The following ATP11A variants were observed in gnomAD, a reference collection of about 807,000 sequenced individuals.
The protein encoded by ATP11A is phospholipid-transporting ATPase IH.
A neutral mutation model predicts 154.4 loss-of-function variants in ATP11A; 81 were observed. The observed-to-expected ratio is 0.52, with a 90% CI of 0.44 to 0.63. ATP11A has a LOEUF of 0.63. Among genes scored for constraint, ATP11A ranks in the 30% least tolerant of loss-of-function variants. ATP11A has a pLI of 0.00. For synonymous variants in ATP11A, 623 were observed against 585.9 expected (o/e 1.06, Z -0.91); for missense variants, 1,316 against 1,474.3 (o/e 0.89, Z 1.76).
intron 3 of ATP11A, among the ~76,000 whole-genome samples, chr13:112,805,565 A>T (rs1454641275): frequency 6.6e-6 from 1 of 152,052 alleles, no homozygotes; most frequent in Non-Finnish European, 1.5e-5. Flanking sequence ...AGTCCCAGCT[A>T]CGCGGGAGGC....
intron 1 of ATP11A, among the ~76,000 whole-genome samples, chr13:112,734,553 G>C (rs111255598): frequency 1.3e-5 from 2 of 152,242 alleles, no homozygotes; most frequent in African/African-American, 4.8e-5. Flanking sequence ...GCTGCCCGGA[G>C]AGTCAAACCC....
intron 1 of ATP11A, among the ~76,000 whole-genome samples, chr13:112,737,632 G>A (rs1194340783): frequency 6.6e-6 from 1 of 152,206 alleles, no homozygotes. Context: ...GGTCACCGAG[G>A]GCCTCGTCTG....
At chr13:112,811,161 A>AACACACACACAC (rs10695491) in intron 5 of ATP11A, among the ~76,000 whole-genome samples, 7,212 of 115,462 alleles carry the variant, frequency 0.062, 440 homozygotes, top group African/African-American at 0.092. Flanking sequence ...TGCCCCTTCC[A>AACACACACACAC]ACACACACAC....
At chr13:112,747,767 C>A (rs1033975177) in intron 1 of ATP11A, among the ~76,000 whole-genome samples, 2 of 151,750 alleles carry the variant, frequency 1.3e-5, no homozygotes, top group Admixed American at 6.6e-5. Flanking sequence ...ACCTGGGAGG[C>A]GGTGGTTGCA....
chr13:112,760,484 A>T (rs426765), intron 1 of ATP11A, among the ~76,000 whole-genome samples: 30,273 of 152,146 alleles, frequency 0.2, 3,455 homozygotes, highest in African/African-American at 0.31. Context: ...TCAAATGATA[A>T]CAACATGATT....
chr13:112,831,797 C>T (rs2079093117), intron 13 of ATP11A, among the ~76,000 whole-genome samples: 1 of 152,230 alleles, frequency 6.6e-6, no homozygotes, highest in East Asian at 1.9e-4. Context: ...CACCCAGACA[C>T]CATGTGCACA....
chr13:112,841,879 A>G (rs202231452), intron 16 of ATP11A, among the ~76,000 whole-genome samples: 3 of 152,258 alleles, frequency 2.0e-5, no homozygotes, highest in Non-Finnish European at 4.4e-5. Context: ...CTTGCTCTGC[A>G]TGAGGACAGA....
At chr13:112,879,082 C>T (rs1379012629) in intron 29 of ATP11A, among the ~76,000 whole-genome samples, 6 of 152,232 alleles carry the variant, frequency 3.9e-5, no homozygotes, top group South Asian at 2.1e-4. Context: ...GCCTGCACGC[C>T]GTCCTGAAGT....
chr13:112,820,733 T>C (rs2078776949), intron 8 of ATP11A, among the ~76,000 whole-genome samples: 2 of 152,252 alleles, frequency 1.3e-5, no homozygotes, highest in South Asian at 4.1e-4. Context: ...TTCACTGGAT[T>C]TTAAAGTTGC....
In ATP11A at chr13:112,831,536, C is replaced by G; in HGVS notation, c.1383C>G (p.Ser461Arg). 6.2e-7 allele frequency: 1 copy of G among 1,613,996 alleles called. No individual in the cohort carries two copies. The highest frequency in any genetic ancestry group is 8.5e-7 in the Non-Finnish European group (1 of 1,179,910). Residue 461 changes from serine (S) to arginine (R), a missense_variant, in exon 13 of 30, where the codon AGC (serine) becomes AGG (arginine). Around this residue, in one of 5 missense-constraint regions of ATP11A, gnomAD observed 876 missense variants for 1,006.8 expected, o/e 0.87. Transcript: ENST00000375645. ...SGIDMIDSSP[S>R]VNGREREELF... ...TCGACATGATTGACTCGTCCCCCAG[C>G]GTCAACGGGAGGGTAGGTGGCAGCC...
chr13:112,871,786 A>G lies in ATP11A; in HGVS notation c.3043A>G (p.Thr1015Ala). The G allele has an allele frequency of 6.2e-7, 1 of 1,614,192 alleles. No homozygotes were observed. ...GCTGGTATTCACCGTGATGGTGTTCACAGTTACACTAAAGGTAAGTGGTCT... is the reference window on the plus strand; with the variant it reads ...GCTGGTATTCACCGTGATGGTGTTCGCAGTTACACTAAAGGTAAGTGGTCT... ...GTLVFTVMVF[T>A]VTLKLALDTH... The change falls in exon 26 of 30, where the codon ACA (threonine) becomes GCA (alanine). Residue 1015 changes from threonine to alanine, a missense_variant. Thr to Ala is a moderately conservative substitution (Grantham distance 58). Transcript: ENST00000375645.
At chr13:112,851,968 T>C (rs2079779915) in intron 18 of ATP11A, 1 of 152,186 alleles carries the variant, frequency 6.6e-6, no homozygotes, top group African/African-American at 2.4e-5. Flanking sequence ...AGTAGAAAAT[T>C]ACAAAAACTA....
rs2076745392 is a variant in ATP11A at position 112,753,462 on chromosome 13, CG to C, written c.40-31671del. Among the ~76,000 whole-genome samples, 1 of 152,182 alleles carries C rather than the reference CG, an allele frequency of 6.6e-6. No homozygotes were observed. Among genetic ancestry groups the C allele is most frequent in the African/African-American group, 2.4e-5 (1 of 41,436 alleles). On this transcript the variant is annotated intron_variant, in intron 1 of 29. Transcript: ENST00000375645. The surrounding 1 kb of genome is among the most constrained non-coding windows in gnomAD (Gnocchi z 4.1). ...TACCTCGCCAGCAGCCTGCGCTGCC[CG>C]GCTTGCCAGCTTCTGGGCCTGCCTA...
intron 2 of ATP11A, among the ~76,000 whole-genome samples, chr13:112,800,684 A>C (rs1479765535): frequency 1.3e-5 from 2 of 152,194 alleles, no homozygotes; most frequent in Non-Finnish European, 2.9e-5. Flanking sequence ...AACCAGAAAA[A>C]GATATTACCA....
rs143411543 is a variant in ATP11A, at chr13:112,792,293, A to C, written c.162+7036A>C. On this transcript the variant is annotated intron_variant, in intron 2 of 29. Coordinates refer to ENST00000375645, the MANE Select transcript of ATP11A (RefSeq NM_015205.3). Reference sequence around the variant, plus strand: ...TTCTCGAGCCTGGAATTGATGACTCATAATTGTTTTCATTTAACAGCTCAG... The same window carrying C: ...TTCTCGAGCCTGGAATTGATGACTCCTAATTGTTTTCATTTAACAGCTCAG... Among the ~76,000 whole-genome samples the C allele has an allele frequency of 4.2e-3, 645 of 152,306 alleles. 7 individuals are homozygous for C. The highest frequency in any genetic ancestry group is 0.015 in the African/African-American group (615 of 41,558).
At chr13:112,873,326 G>A in intron 26 of ATP11A, 2 of 467,262 alleles carry the variant, frequency 4.3e-6, no homozygotes, top group Non-Finnish European at 7.6e-6. Context: ...GTGTGGCTTT[G>A]TCTTCCTGAG....
At chr13:112,804,915 A>C (rs760737370) in intron 2 of ATP11A, 42 bp from the exon 3 acceptor site, 1 of 1,329,356 alleles carries the variant, frequency 7.5e-7, no homozygotes, top group African/African-American at 1.5e-5. Context: ...ACAAGAGTAA[A>C]ATCTGATCTC....
At chr13:112,818,814 C>A (rs2078716981) in intron 6 of ATP11A, among the ~76,000 whole-genome samples, 1 of 152,254 alleles carries the variant, frequency 6.6e-6, no homozygotes, top group Non-Finnish European at 1.5e-5. Flanking sequence ...CACGTTGAGA[C>A]AGGCTTGAGG....
intron 1 of ATP11A, among the ~76,000 whole-genome samples, chr13:112,777,166 A>G (rs1055469858): frequency 6.6e-6 from 1 of 151,646 alleles, no homozygotes; most frequent in African/African-American, 2.4e-5. Context: ...CACCAAGCTC[A>G]GGCGCTGGCA....
Sources: allele counts gnomAD v4.1 joint callset (sites outside exome capture counted in the v4.1 genomes callset), GRCh38; gene constraint gnomAD v4.1.1; regional missense constraint gnomAD v4.1.1; non-coding constraint Gnocchi (gnomAD v3.1); transcripts MANE v1.5; gene names NCBI Gene and HGNC (gene_info 2026-07-23, HGNC 2026-07-21).